Variants in PKN2 observed in about 807,000 individuals in gnomAD.
PKN2 encodes protein kinase N2, also known as serine/threonine-protein kinase N2.
Under a neutral mutation model 119.1 loss-of-function variants are expected in PKN2, and 38 were observed. The ratio of observed to expected loss-of-function variants is 0.32; its 90% CI spans 0.25 to 0.42. PKN2 has a LOEUF of 0.42. Among genes scored for constraint, PKN2 ranks in the 10% least tolerant of loss-of-function variants. The probability of loss-of-function intolerance (pLI) is 1.00; values close to 1 mark genes in which losing one functional copy is unlikely to be tolerated. For synonymous variants in PKN2, 390 were observed against 384.9 expected (o/e 1.01, Z -0.15); for missense variants, 850 against 1,165.1 (o/e 0.73, Z 3.94).
At chr1:88,731,160 A>T (rs1358272240) in intron 1 of PKN2, among the ~76,000 whole-genome samples, 1 of 152,156 alleles carries the variant, frequency 6.6e-6, no homozygotes, top group East Asian at 1.9e-4. Context: ...TTTTTTTTTA[A>T]ACCTTGTATG....
intron 2 of PKN2, among the ~76,000 whole-genome samples, chr1:88,747,341 G>A (rs1018996008): frequency 2.6e-5 from 4 of 152,116 alleles, no homozygotes; most frequent in African/African-American, 7.2e-5. Context: ...ATGTATAAAT[G>A]TAATGAAACA....
rs144889137 is a variant in PKN2, at chr1:88,835,357, A to T, written c.*1909A>T. Reference sequence around the variant, plus strand: ...AAAACACTAAATACTTTTGAGGTACAGTCTGCTCACTTTTTTGGTTCTCAA... The same window carrying T: ...AAAACACTAAATACTTTTGAGGTACTGTCTGCTCACTTTTTTGGTTCTCAA... On this transcript the variant is annotated 3_prime_UTR_variant, in exon 22 of 22. Coordinates refer to ENST00000370521, the MANE Select transcript of PKN2 (RefSeq NM_006256.4). 977 of 152,616 alleles carry T rather than the reference A, an allele frequency of 6.4e-3. 5 individuals carry two copies. Among genetic ancestry groups the T allele is most frequent in the Non-Finnish European group, 9.3e-3 (629 of 67,922 alleles). The allele number at this position is 152,616 out of a possible 1,614,324, so 9.5% of individuals were successfully genotyped here.
At chr1:88,696,639 C>A (rs1666553625) in intron 1 of PKN2, among the ~76,000 whole-genome samples, 1 of 152,020 alleles carries the variant, frequency 6.6e-6, no homozygotes. Context: ...AACATGTGTC[C>A]CTGATCCAGC....
At chr1:88,743,875 A>G (rs1226087198) in intron 2 of PKN2, among the ~76,000 whole-genome samples, 1 of 152,124 alleles carries the variant, frequency 6.6e-6, no homozygotes, top group East Asian at 1.9e-4. Flanking sequence ...TATACTGACC[A>G]TTTTTAATAC....
At chr1:88,818,660 A>T (rs181379759) in intron 16 of PKN2, among the ~76,000 whole-genome samples, 1 of 151,706 alleles carries the variant, frequency 6.6e-6, no homozygotes, top group South Asian at 2.1e-4. Context: ...AAAAAAAAAA[A>T]AAAGAAAAAG....
intron 15 of PKN2, among the ~76,000 whole-genome samples, chr1:88,811,529 T>A (rs1671783386): frequency 6.6e-6 from 1 of 152,046 alleles, no homozygotes. Context: ...ACAATAGCAG[T>A]TCTTAGGAGG....
intron 2 of PKN2, among the ~76,000 whole-genome samples, chr1:88,743,450 A>G (rs1668652215): frequency 6.6e-6 from 1 of 152,162 alleles, no homozygotes; most frequent in African/African-American, 2.4e-5. Context: ...TGTTTTATAT[A>G]AAGAAATTAC....
At chr1:88,818,569 A>G (rs1397124193) in intron 16 of PKN2, among the ~76,000 whole-genome samples, 1 of 151,336 alleles carries the variant, frequency 6.6e-6, no homozygotes, top group Non-Finnish European at 1.5e-5. Flanking sequence ...AATTGCTTGA[A>G]CCTGGGAGGT....
intron 6 of PKN2, among the ~76,000 whole-genome samples, chr1:88,784,280 C>T (rs757605838): frequency 1.3e-5 from 2 of 151,716 alleles, no homozygotes; most frequent in African/African-American, 2.4e-5. Flanking sequence ...CACACCGCCT[C>T]GCCCAGCTAA....
intron 1 of PKN2, among the ~76,000 whole-genome samples, chr1:88,694,461 T>C (rs1666452820): frequency 6.6e-6 from 1 of 152,200 alleles, no homozygotes; most frequent in Admixed American, 6.5e-5. Flanking sequence ...AGCTTATTTC[T>C]TTTTAGTACT....
chr1:88,803,647 A>G lies in PKN2; in HGVS notation c.1282-744A>G, dbSNP rs936639443. 2.0e-5 allele frequency among the ~76,000 whole-genome samples: 3 copies of G among 152,206 alleles called. No individual in the cohort carries two copies. The South Asian group carries it at 6.2e-4, about 31-fold the overall frequency. ...CTTAAATATATTTCGCCACATAAGC[A>G]TTATTTTCAGTGTCTACTGTGTATT... On this transcript the variant is annotated intron_variant, in intron 8 of 21. Transcript: ENST00000370521.
chr1:88,803,614 A>G (rs1259199997), intron 8 of PKN2, among the ~76,000 whole-genome samples: 2 of 152,194 alleles, frequency 1.3e-5, no homozygotes, highest in Admixed American at 6.5e-5. Context: ...AACACTGGTT[A>G]TTAAAACCTT....
At chr1:88,822,893 G>C (rs1005886701) in intron 17 of PKN2, among the ~76,000 whole-genome samples, 4 of 151,958 alleles carry the variant, frequency 2.6e-5, no homozygotes, top group African/African-American at 9.7e-5. Flanking sequence ...AGGTTCTAAT[G>C]ATGTTTTCAT....
At chr1:88,758,597 A>G (rs1669312550) in intron 2 of PKN2, among the ~76,000 whole-genome samples, 2 of 152,084 alleles carry the variant, frequency 1.3e-5, no homozygotes, top group South Asian at 4.1e-4. Context: ...TGTTCCCATC[A>G]TTTAGCTCCC....
At chr1:88,782,577 CTT>C (rs1451842961) in intron 6 of PKN2, among the ~76,000 whole-genome samples, 2 of 151,744 alleles carry the variant, frequency 1.3e-5, no homozygotes, top group African/African-American at 4.8e-5. Flanking sequence ...GGACACTAAT[CTT>C]TTCTTTTGCA....
chr1:88,741,080 T>C lies in PKN2; in HGVS notation c.141T>C (p.Asp47=). The change falls in exon 2 of 22, where the codon GAT becomes GAC. Residue 47 remains aspartate, a synonymous_variant. Coordinates refer to ENST00000370521, the MANE Select transcript of PKN2 (RefSeq NM_006256.4). Reference sequence around the variant, plus strand: ...CAATGGTGCAGCAGAAATTGGATGATATCAAGGATCGAATTAAGAGAGAAA... The same window carrying C: ...CAATGGTGCAGCAGAAATTGGATGACATCAAGGATCGAATTAAGAGAGAAA... ...SDTMVQQKLD[D]IKDRIKREIR... The C allele has an allele frequency of 6.2e-7, 1 of 1,610,218 alleles. No homozygotes were observed. Among genetic ancestry groups the C allele is most frequent in the Non-Finnish European group, 8.5e-7 (1 of 1,178,364 alleles).
At chr1:88,788,471 G>T (rs963300108) in intron 8 of PKN2, among the ~76,000 whole-genome samples, 2 of 151,608 alleles carry the variant, frequency 1.3e-5, no homozygotes, top group African/African-American at 4.9e-5. Flanking sequence ...TTGAGATGGA[G>T]TTTCGCTCTT....
intron 2 of PKN2, among the ~76,000 whole-genome samples, chr1:88,745,532 T>C (rs1003011606): frequency 2.0e-5 from 3 of 152,014 alleles, no homozygotes; most frequent in African/African-American, 7.2e-5. Flanking sequence ...ACATACGTAG[T>C]AAATTTAACC....
intron 2 of PKN2, among the ~76,000 whole-genome samples, chr1:88,749,403 CAA>C (rs11430270): frequency 1.2e-4 from 14 of 116,762 alleles, no homozygotes; most frequent in African/African-American, 2.6e-4. Context: ...GACTCCGTCT[CAA>C]AAAAAAAAAA....
Sources: allele counts gnomAD v4.1 joint callset (sites outside exome capture counted in the v4.1 genomes callset), GRCh38; gene constraint gnomAD v4.1.1; transcripts MANE v1.5; gene names NCBI Gene and HGNC (gene_info 2026-07-23, HGNC 2026-07-21).